Variants in HCRTR2 observed in about 807,000 individuals in gnomAD.
The protein encoded by HCRTR2 is hypocretin receptor 2.
A neutral mutation model predicts 49.0 loss-of-function variants in HCRTR2; 22 were observed. The observed-to-expected ratio is 0.45, with a 90% CI of 0.32 to 0.64. The LOEUF is 0.64. Ranked by LOEUF, HCRTR2 falls within the 30% of genes least tolerant of loss-of-function variation. HCRTR2 has a pLI of 0.04. For synonymous variants in HCRTR2, 236 were observed against 205.3 expected, an observed-to-expected ratio of 1.15 and a Z score of -1.28; for missense variants, 491 against 559.4, an observed-to-expected ratio of 0.88 and a Z score of 1.23.
At chr6:55,269,959 T>A (rs1414164049) in intron 4 of HCRTR2, among the ~76,000 whole-genome samples, 1 of 151,968 alleles carries the variant, frequency 6.6e-6, no homozygotes, top group Non-Finnish European at 1.5e-5. Flanking sequence ...GTTAGACTCT[T>A]GTCAAAACAA....
In HCRTR2 at chr6:55,149,982, A is replaced by C. The variant is rs77195229; in HGVS notation, c.-377-24229A>C. Among the ~76,000 whole-genome samples the C allele has an allele frequency of 4.9e-3, 748 of 152,118 alleles. 5 individuals are homozygous for C. The highest frequency in any genetic ancestry group is 0.017 in the African/African-American group (691 of 41,532). On this transcript the variant is annotated intron_variant, in intron 1 of 7. Coordinates refer to the HCRTR2 transcript ENST00000615358. ...AACAAAAAATAGATATTGCAATCAA[A>C]TTAAAGATTCTATCTTTTACAGAAG...
At chr6:55,170,054 A>AC (rs1322321617), upstream of HCRTR2, among the ~76,000 whole-genome samples, 2 of 151,380 alleles carry the variant, frequency 1.3e-5, no homozygotes, top group African/African-American at 4.9e-5. Context: ...ACCAAGAAAA[A>AC]AAAATACCTG....
Position 55,132,008 on chromosome 6 carries a change from G to A in HCRTR2, c.-378+25463G>A, listed in dbSNP as rs567232086. 2.6e-5 allele frequency among the ~76,000 whole-genome samples: 4 copies of A among 151,832 alleles called. No individual in the cohort carries two copies. The South Asian group carries it at 8.3e-4, about 31-fold the overall frequency. On this transcript the variant is annotated intron_variant, in intron 1 of 7. Transcript: ENST00000615358. ...GCCTTAAATTCATACTCTCAGCAAG[G>A]TTTTTCTGTAGACTAAATAAATAGC...
intron 4 of HCRTR2, among the ~76,000 whole-genome samples, chr6:55,271,585 G>A (rs958833586): frequency 2.1e-4 from 32 of 151,990 alleles, no homozygotes; most frequent in Admixed American, 5.9e-4. Flanking sequence ...CATTAAAAAC[G>A]TTAAAAGTCA....
intron 1 of HCRTR2, among the ~76,000 whole-genome samples, chr6:55,181,748 C>T (rs1488230130): frequency 6.6e-6 from 1 of 152,142 alleles, no homozygotes; most frequent in East Asian, 1.9e-4. Context: ...TTGCAAATTT[C>T]CTGTATTTCA....
chr6:55,196,308 A>G (rs992551976), intron 1 of HCRTR2, among the ~76,000 whole-genome samples: 5 of 152,210 alleles, frequency 3.3e-5, no homozygotes, highest in African/African-American at 7.2e-5. Flanking sequence ...CCCATCCCCC[A>G]ACCACAGCAG....
At chr6:55,139,035 C>G (rs140082983) in intron 1 of HCRTR2, among the ~76,000 whole-genome samples, 9 of 152,208 alleles carry the variant, frequency 5.9e-5, no homozygotes, top group African/African-American at 2.2e-4. Flanking sequence ...AAATTGGGAA[C>G]ACAAATTTCA....
chr6:55,203,874 T>A (rs1043790993), intron 1 of HCRTR2, among the ~76,000 whole-genome samples: 2 of 137,068 alleles, frequency 1.5e-5, no homozygotes, highest in African/African-American at 6.3e-5. Context: ...GGACTTAAGG[T>A]TTTTTTTTTT....
chr6:55,110,863 T>A (rs1764039466), intron 1 of HCRTR2, among the ~76,000 whole-genome samples: 1 of 150,880 alleles, frequency 6.6e-6, no homozygotes, highest in Admixed American at 6.6e-5. Context: ...AAGTATACCC[T>A]AGACAAACAA....
chr6:55,137,193 C>A (rs1002854366), intron 1 of HCRTR2, among the ~76,000 whole-genome samples: 2 of 152,190 alleles, frequency 1.3e-5, no homozygotes, highest in African/African-American at 2.4e-5. Flanking sequence ...CAATTAATTT[C>A]TATTTCTATG....
intron 1 of HCRTR2, among the ~76,000 whole-genome samples, chr6:55,138,924 T>A (rs1045371239): frequency 9.8e-5 from 15 of 152,318 alleles, no homozygotes; most frequent in East Asian, 7.7e-4. Flanking sequence ...GGACAGAAAG[T>A]GCCTTTGGGT....
chr6:55,222,972 C>G (rs1054403189), intron 1 of HCRTR2, among the ~76,000 whole-genome samples: 3 of 151,868 alleles, frequency 2.0e-5, no homozygotes, highest in Non-Finnish European at 2.9e-5. Context: ...AAAGAATTTG[C>G]CAAATGGAAT....
At chr6:55,111,599 G>A (rs1360297150) in intron 1 of HCRTR2, among the ~76,000 whole-genome samples, 1 of 151,958 alleles carries the variant, frequency 6.6e-6, no homozygotes, top group Non-Finnish European at 1.5e-5. Context: ...ATTAAACCAG[G>A]AAGAAATCAA....
intron 1 of HCRTR2, among the ~76,000 whole-genome samples, chr6:55,116,104 G>A (rs11961656): frequency 0.03 from 4,493 of 151,268 alleles, 97 homozygotes; most frequent in Non-Finnish European, 0.046. Flanking sequence ...CTTGTGCTGT[G>A]GTAATAGAAA....
intron 1 of HCRTR2, among the ~76,000 whole-genome samples, chr6:55,227,843 A>G (rs1766039132): frequency 6.6e-6 from 1 of 152,232 alleles, no homozygotes; most frequent in African/African-American, 2.4e-5. Flanking sequence ...TTGAGAGTGT[A>G]GATAAATCTA....
intron 1 of HCRTR2, among the ~76,000 whole-genome samples, chr6:55,180,435 T>G (rs1432339908): frequency 6.6e-6 from 1 of 152,242 alleles, no homozygotes; most frequent in Middle Eastern, 3.2e-3. Flanking sequence ...TGCCATGCTG[T>G]TTTTCTGATA....
chr6:55,270,512 A>C (rs554230295), intron 4 of HCRTR2, among the ~76,000 whole-genome samples: 3 of 152,290 alleles, frequency 2.0e-5, no homozygotes, highest in East Asian at 1.9e-4. Flanking sequence ...CTCTAATCCC[A>C]AAACCTAAAA....
intron 1 of HCRTR2, among the ~76,000 whole-genome samples, chr6:55,216,606 T>C (rs1562010217): frequency 6.6e-6 from 1 of 152,190 alleles, no homozygotes; most frequent in African/African-American, 2.4e-5. Flanking sequence ...TAAAGAATAC[T>C]CTTTTTTGGG....
At chr6:55,248,960 T>C in intron 2 of HCRTR2, 143 bp downstream of exon 2, 1 of 731,150 alleles carries the variant, frequency 1.4e-6, no homozygotes, top group Non-Finnish European at 2.3e-6. Context: ...ACTTGAGAAT[T>C]TCTGGAGAAA....
Sources: allele counts gnomAD v4.1 joint callset (sites outside exome capture counted in the v4.1 genomes callset), GRCh38; gene constraint gnomAD v4.1.1; transcripts MANE v1.5; gene names NCBI Gene and HGNC (gene_info 2026-07-23, HGNC 2026-07-21).